The following DOCK4 variants were observed in gnomAD, a reference collection of about 807,000 sequenced individuals.
The protein encoded by DOCK4 is dedicator of cytokinesis protein 4.
In DOCK4, 97 loss-of-function variants were observed where a neutral mutation model predicts 268.1. That is an observed-to-expected ratio of 0.36 (90% CI 0.31 to 0.43). The LOEUF (loss-of-function observed/expected upper bound fraction) is 0.43, where lower values mean the gene tolerates loss of function less well. DOCK4 is among the 20% of genes least tolerant of loss of function. The probability of loss-of-function intolerance (pLI) is 1.00; values close to 1 mark genes in which losing one functional copy is unlikely to be tolerated. For synonymous variants in DOCK4, 954 were observed against 887.2 expected (o/e 1.08, Z -1.34); for missense variants, 2,145 against 2,455.7 (o/e 0.87, Z 2.67).
rs188414424 is a variant in DOCK4, at chr7:112,195,678, G to C, written c.37+10424C>G. Reference sequence around the variant, plus strand: ...TGCCTACTTCTGGTTGCCAACAACGGATGAGATTATTCCATTTTGGAGAAA... The same window carrying C: ...TGCCTACTTCTGGTTGCCAACAACGCATGAGATTATTCCATTTTGGAGAAA... On this transcript the variant is annotated intron_variant, in intron 1 of 52. Coordinates refer to ENST00000428084, the MANE Select transcript of DOCK4 (RefSeq NM_001363540.2). 1.5e-4 allele frequency among the ~76,000 whole-genome samples: 23 copies of C among 150,872 alleles called. 1 individual carries two copies. Among genetic ancestry groups the C allele is most frequent in the Admixed American group, 2.7e-4 (4 of 15,068 alleles).
At chr7:111,957,446 A>G (rs1013270047) in intron 8 of DOCK4, among the ~76,000 whole-genome samples, 8 of 152,198 alleles carry the variant, frequency 5.3e-5, no homozygotes, top group Non-Finnish European at 8.8e-5. Flanking sequence ...TAGAAATCCC[A>G]AAGTTCATTT....
At chr7:112,057,784 A>T (rs917226966) in intron 1 of DOCK4, among the ~76,000 whole-genome samples, 1 of 151,732 alleles carries the variant, frequency 6.6e-6, no homozygotes, top group Non-Finnish European at 1.5e-5. Flanking sequence ...TTATAAAATA[A>T]ATATATAAAA....
At chr7:111,732,603 C>A in intron 51 of DOCK4, 1 of 348,682 alleles carries the variant, frequency 2.9e-6, no homozygotes, top group Non-Finnish European at 5.4e-6. Context: ...TTCTGCACTG[C>A]TTGATCTGTC....
chr7:111,971,626 T>C (rs1028212665), intron 8 of DOCK4: 2 of 223,974 alleles, frequency 8.9e-6, no homozygotes, highest in Non-Finnish European at 1.8e-5. Context: ...GGTAGTCTCT[T>C]AGTGGACACA....
intron 10 of DOCK4, among the ~76,000 whole-genome samples, chr7:111,941,484 T>G (rs906688236): frequency 2.1e-4 from 32 of 152,188 alleles, no homozygotes; most frequent in Admixed American, 2.1e-3. Context: ...CAGAATGTAT[T>G]AGGATGAAAT....
At chr7:112,101,135 A>T (rs1247572507) in intron 1 of DOCK4, among the ~76,000 whole-genome samples, 3 of 152,222 alleles carry the variant, frequency 2.0e-5, no homozygotes, top group Non-Finnish European at 4.4e-5. Context: ...TGGGAATTAT[A>T]ATGGTCAACA....
intron 49 of DOCK4, among the ~76,000 whole-genome samples, chr7:111,738,295 G>A (rs1795645956): frequency 6.6e-6 from 1 of 152,204 alleles, no homozygotes; most frequent in South Asian, 2.1e-4. Flanking sequence ...GGGAAAGGCT[G>A]AGGACTGAAC....
In DOCK4 at chr7:111,728,470, G is replaced by C. The variant is rs756866684; in HGVS notation, c.5732C>G (p.Pro1911Arg). 2 of 1,611,528 alleles carry C rather than the reference G, an allele frequency of 1.2e-6. No homozygotes were observed. Among genetic ancestry groups the C allele is most frequent in the East Asian group, 2.2e-5 (1 of 44,866 alleles). Residue 1911 changes from proline (P) to arginine (R), a missense_variant, in exon 53 of 53, where the codon CCG becomes CGG. Pro to Arg is a moderately radical substitution (Grantham distance 103). This residue lies in a region of DOCK4 where 547 missense variants were observed against 469.0 expected (regional missense o/e 1.17). Coordinates refer to ENST00000428084, the MANE Select transcript of DOCK4 (RefSeq NM_001363540.2). ...CAGAGTCCGCTCGTAGACGCTGTAC[G>C]GGGGCGGAGTCTTGCTCTCCTTGCG... ...PVRKESKTPP[P>R]YSVYERTLRR... is the part of the protein sequence containing the mutation.
At chr7:112,099,998 T>C (rs1325660759) in intron 1 of DOCK4, among the ~76,000 whole-genome samples, 6 of 152,244 alleles carry the variant, frequency 3.9e-5, no homozygotes, top group African/African-American at 1.4e-4. Flanking sequence ...CTTAATGTTC[T>C]AGGTTATTAT....
Position 111,877,073 on chromosome 7 carries a change from A to G in DOCK4, c.1701T>C (p.Phe567=). The G allele has an allele frequency of 6.3e-7, 1 of 1,577,736 alleles. No homozygotes were observed. Among genetic ancestry groups the G allele is most frequent in the Non-Finnish European group, 8.6e-7 (1 of 1,164,778 alleles). ...TGGAACAGAGAAAAGATGTAATACAAAAGGACTCCTTTGTGGCCTTCATGG... is the reference window on the plus strand; with the variant it reads ...TGGAACAGAGAAAAGATGTAATACAGAAGGACTCCTTTGTGGCCTTCATGG... ...NQAMKATKES[F]CITSFLCSTK... Residue 567 remains phenylalanine, a synonymous_variant, in exon 17 of 53, where the codon TTT becomes TTC. Coordinates refer to ENST00000428084, the MANE Select transcript of DOCK4 (RefSeq NM_001363540.2).
chr7:111,769,238 G>A (rs1171929058), intron 37 of DOCK4, among the ~76,000 whole-genome samples: 1 of 152,196 alleles, frequency 6.6e-6, no homozygotes, highest in Non-Finnish European at 1.5e-5. Context: ...TAATGAAAAG[G>A]TCATGCACAT....
chr7:112,066,591 CATAT>C (rs1160066064), intron 1 of DOCK4, among the ~76,000 whole-genome samples: 1 of 127,224 alleles, frequency 7.9e-6, no homozygotes, highest in Non-Finnish European at 1.5e-5. Flanking sequence ...TATATATACA[CATAT>C]ACATATATAC....
intron 8 of DOCK4, among the ~76,000 whole-genome samples, chr7:111,949,963 A>G (rs532436037): frequency 1.3e-5 from 2 of 152,246 alleles, no homozygotes; most frequent in African/African-American, 2.4e-5. Flanking sequence ...GTCTCGTTCT[A>G]TCACCCAGGC....
At chr7:112,181,694 A>T (rs572582066) in intron 1 of DOCK4, among the ~76,000 whole-genome samples, 1 of 151,266 alleles carries the variant, frequency 6.6e-6, no homozygotes, top group South Asian at 2.1e-4. Flanking sequence ...GAACTATTTA[A>T]ATAAAGTATG....
At chr7:112,138,664 T>C (rs1814596235) in intron 1 of DOCK4, among the ~76,000 whole-genome samples, 2 of 152,148 alleles carry the variant, frequency 1.3e-5, no homozygotes. Context: ...GTTCCTGTTA[T>C]GAGCTAAATG....
At chr7:112,160,744 T>C (rs1196915288) in intron 1 of DOCK4, among the ~76,000 whole-genome samples, 2 of 152,216 alleles carry the variant, frequency 1.3e-5, no homozygotes, top group Non-Finnish European at 2.9e-5. Flanking sequence ...TGTCAAACTT[T>C]AGCTTTCTAT....
intron 52 of DOCK4, 150 bp downstream of exon 52, chr7:111,732,075 GT>G (rs1795128885): frequency 2.6e-6 from 2 of 777,872 alleles, no homozygotes; most frequent in African/African-American, 3.5e-5. Flanking sequence ...GTCCAGTGTT[GT>G]TTTTCTCAAC....
intron 13 of DOCK4, among the ~76,000 whole-genome samples, chr7:111,906,768 AG>A (rs1791612190): frequency 6.6e-6 from 1 of 152,202 alleles, no homozygotes; most frequent in African/African-American, 2.4e-5. Flanking sequence ...AGGAACACAG[AG>A]GCCGGAATGA....
intron 31 of DOCK4, chr7:111,788,977 A>G (rs1799355770): frequency 1.8e-6 from 1 of 559,980 alleles, no homozygotes; most frequent in African/African-American, 1.9e-5. Context: ...GCTGCCAAAG[A>G]CATCTATCTA....
Sources: gnomAD v4.1 joint callset for allele counts (sites outside exome capture counted in the v4.1 genomes callset) on GRCh38, gnomAD v4.1.1 for gene constraint, gnomAD v4.1.1 regional missense constraint, MANE v1.5 for transcripts, NCBI Gene and HGNC (gene_info 2026-07-23, HGNC 2026-07-21) for gene names.